The following LARGE1 variants were observed in gnomAD, a reference collection of about 807,000 sequenced individuals.
The protein encoded by LARGE1 is LARGE xylosyl- and glucuronyltransferase 1.
Under a neutral mutation model 87.6 loss-of-function variants are expected in LARGE1, and 43 were observed. That is an observed-to-expected ratio of 0.49 (90% CI 0.38 to 0.63). LARGE1 has a LOEUF of 0.63. Among genes scored for constraint, LARGE1 ranks in the 30% least tolerant of loss-of-function variants. LARGE1 has a pLI of 0.00. For synonymous variants in LARGE1, 434 were observed against 394.6 expected (o/e 1.10, Z -1.18); for missense variants, 802 against 1,000.2 (o/e 0.80, Z 2.67).
chr22:33,742,336 T>A (rs2083915088), intron 2 of LARGE1, among the ~76,000 whole-genome samples: 1 of 152,204 alleles, frequency 6.6e-6, no homozygotes, highest in African/African-American at 2.4e-5. Flanking sequence ...TCCACAAGCA[T>A]CAGTGACTAC....
Position 33,439,540 on chromosome 22 carries a change from A to G in LARGE1, c.788-7275T>C, listed in dbSNP as rs1318416656. On this transcript the variant is annotated intron_variant, in intron 6 of 14. Coordinates refer to ENST00000397394, the MANE Select transcript of LARGE1 (RefSeq NM_133642.5). ...CTTCCCTCTCTCTGCCACCCTTAACATGCTGGTGCTCCCCAACTCCCCTTC... is the reference window on the plus strand; with the variant it reads ...CTTCCCTCTCTCTGCCACCCTTAACGTGCTGGTGCTCCCCAACTCCCCTTC... Among the ~76,000 whole-genome samples, 4 of 151,862 alleles carry G rather than the reference A, an allele frequency of 2.6e-5. No individual in the cohort carries two copies. The East Asian group carries it at 7.8e-4, about 29-fold the overall frequency.
the LARGE1 span, among the ~76,000 whole-genome samples, chr22:33,067,389 T>C: frequency 6.6e-6 from 1 of 152,158 alleles, no homozygotes; most frequent in Non-Finnish European, 1.5e-5. Context: ...AATCCCAGCT[T>C]TACCACTTAA....
rs2078927303 is a variant in LARGE1 at position 33,594,569 on chromosome 22, A to G, written c.615+9866T>C. Among the ~76,000 whole-genome samples, 3 of 151,990 alleles carry G rather than the reference A, an allele frequency of 2.0e-5. No homozygotes were observed. In the South Asian group the frequency reaches 6.2e-4, roughly 32 times the overall value. ...TCTGGTCTTTCTTGTTTTGATCCCAACTCCGTCATTATAACCACACTCTTG... is the reference window on the plus strand; with the variant it reads ...TCTGGTCTTTCTTGTTTTGATCCCAGCTCCGTCATTATAACCACACTCTTG... On this transcript the variant is annotated intron_variant, in intron 5 of 14. Coordinates refer to ENST00000397394, the MANE Select transcript of LARGE1 (RefSeq NM_133642.5).
intron 2 of LARGE1, among the ~76,000 whole-genome samples, chr22:33,695,935 T>C (rs1201436750): frequency 6.6e-6 from 1 of 152,230 alleles, no homozygotes; most frequent in Non-Finnish European, 1.5e-5. Context: ...AGCTTTGTTA[T>C]AGATTGGTTC....
chr22:33,575,887 T>C (rs1474289035), intron 5 of LARGE1, among the ~76,000 whole-genome samples: 56 of 152,218 alleles, frequency 3.7e-4, no homozygotes, highest in Non-Finnish European at 5.9e-5. Flanking sequence ...TATTTAGCTT[T>C]GCGAAGCTTG....
chr22:33,505,736 T>TG (rs2070732338), intron 6 of LARGE1, among the ~76,000 whole-genome samples: 2 of 152,084 alleles, frequency 1.3e-5, no homozygotes, highest in Non-Finnish European at 2.9e-5. Flanking sequence ...GTTAGGTGAG[T>TG]GGCCATCCCA....
intron 11 of LARGE1, among the ~76,000 whole-genome samples, chr22:33,260,595 C>G (rs1252359408): frequency 1.3e-5 from 2 of 152,162 alleles, no homozygotes; most frequent in Admixed American, 6.5e-5. Context: ...GGCCATGCAT[C>G]TAGCAGAGGA....
chr22:33,512,508 TC>T (rs1335174896), intron 6 of LARGE1, among the ~76,000 whole-genome samples: 1 of 152,150 alleles, frequency 6.6e-6, no homozygotes, highest in African/African-American at 2.4e-5. Context: ...AAGTAACTAA[TC>T]AAATAATGGT....
intron 1 of LARGE1, among the ~76,000 whole-genome samples, chr22:33,834,222 G>A (rs1364740273): frequency 2.0e-5 from 3 of 152,140 alleles, no homozygotes; most frequent in African/African-American, 7.2e-5. Flanking sequence ...TTCTTCTCTA[G>A]TAGAGCTTTC....
chr22:33,913,420 G>C (rs2065694243), intron 1 of LARGE1, among the ~76,000 whole-genome samples: 1 of 152,208 alleles, frequency 6.6e-6, no homozygotes, highest in Admixed American at 6.5e-5. Flanking sequence ...CATGTGTTAG[G>C]TTAGCGGTAA....
intron 2 of LARGE1, among the ~76,000 whole-genome samples, chr22:33,741,185 C>A (rs16992929): frequency 0.048 from 7,257 of 152,284 alleles, 269 homozygotes; most frequent in East Asian, 0.21. Flanking sequence ...AACGCTGCAA[C>A]ATTATAAGCA....
intron 6 of LARGE1, among the ~76,000 whole-genome samples, chr22:33,452,201 C>T (rs188493006): frequency 6.6e-6 from 1 of 152,066 alleles, no homozygotes; most frequent in Non-Finnish European, 1.5e-5. Flanking sequence ...AATGCGGGAG[C>T]TGGACCACAA....
intron 6 of LARGE1, among the ~76,000 whole-genome samples, chr22:33,448,433 G>T (rs1422139849): frequency 6.6e-6 from 1 of 152,124 alleles, no homozygotes; most frequent in Non-Finnish European, 1.5e-5. Context: ...ATTAAGAAAA[G>T]AAAGTATTAC....
chr22:33,307,314 G>A (rs1306711727), intron 11 of LARGE1, among the ~76,000 whole-genome samples: 1 of 152,214 alleles, frequency 6.6e-6, no homozygotes, highest in East Asian at 1.9e-4. Context: ...CAGTTACAAA[G>A]TGAAGGACAT....
intron 2 of LARGE1, among the ~76,000 whole-genome samples, chr22:33,659,285 C>T (rs188871415): frequency 6.6e-5 from 10 of 152,296 alleles, no homozygotes; most frequent in Non-Finnish European, 1.3e-4. Context: ...TTTTAATTAA[C>T]ATAAAGATTT....
chr22:33,274,051 T>C lies in LARGE1; in HGVS notation c.*376A>G. On this transcript the variant is annotated 3_prime_UTR_variant, in exon 15 of 15. Transcript: ENST00000397394. ...AACCCCTAGAACCCTGACTTCCCTT[T>C]CTCCCCAGTTATGATGGGAAGCATA... is the stretch of plus-strand genomic sequence containing the variant. The C allele has an allele frequency of 2.5e-6, 1 of 394,296 alleles. No homozygotes were observed. The highest frequency in any genetic ancestry group is 4.6e-6 in the Non-Finnish European group (1 of 217,194). The allele number at this position is 394,296 out of a possible 1,614,324, so 24.4% of individuals were successfully genotyped here.
intron 7 of LARGE1, among the ~76,000 whole-genome samples, chr22:33,406,204 T>C (rs2066091443): frequency 6.6e-6 from 1 of 152,182 alleles, no homozygotes; most frequent in Non-Finnish European, 1.5e-5. Flanking sequence ...AGGCTTCCTC[T>C]ATGACCACGG....
Position 33,584,822 on chromosome 22 carries a change from A to G in LARGE1, c.615+19613T>C, listed in dbSNP as rs561139303. ...AAACTGGCTTAGAAGTCACAGATGAAAAAGAGAAAGTGGGCTGGGCGCATT... is the reference window on the plus strand; with the variant it reads ...AAACTGGCTTAGAAGTCACAGATGAGAAAGAGAAAGTGGGCTGGGCGCATT... On this transcript the variant is annotated intron_variant, in intron 5 of 14. Coordinates refer to ENST00000397394, the MANE Select transcript of LARGE1 (RefSeq NM_133642.5). Among the ~76,000 whole-genome samples the G allele has an allele frequency of 2.0e-5, 3 of 152,332 alleles. No individual in the cohort carries two copies. In the South Asian group the frequency reaches 6.2e-4, roughly 32 times the overall value.
intron 2 of LARGE1, among the ~76,000 whole-genome samples, chr22:33,757,189 C>T (rs2084548491): frequency 6.6e-6 from 1 of 151,982 alleles, no homozygotes; most frequent in Admixed American, 6.5e-5. Flanking sequence ...AACTGAGTCG[C>T]TGAAACAGGT....
Sources: gnomAD v4.1 joint callset for allele counts (sites outside exome capture counted in the v4.1 genomes callset) on GRCh38, gnomAD v4.1.1 for gene constraint, MANE v1.5 for transcripts, NCBI Gene and HGNC (gene_info 2026-07-23, HGNC 2026-07-21) for gene names.